Variants in RMC1 observed in about 807,000 individuals in gnomAD.
RMC1 encodes regulator of MON1-CCZ1, also known as regulator of MON1-CCZ1 complex.
Under a neutral mutation model 95.5 loss-of-function variants are expected in RMC1, and 44 were observed. The observed-to-expected ratio is 0.46, with a 90% confidence interval of 0.36 to 0.59. RMC1 has a LOEUF of 0.59. Ranked by LOEUF, RMC1 falls within the 20% of genes least tolerant of loss-of-function variation. RMC1 has a pLI of 0.00. For missense variants in RMC1, 705 were observed against 819.6 expected, an observed-to-expected ratio of 0.86 and a Z score of 1.71; for synonymous variants, 320 against 303.6, an observed-to-expected ratio of 1.05 and a Z score of -0.56.
chr18:23,531,343 G>A (rs936933550), intron 19 of RMC1: 10 of 376,394 alleles, frequency 2.7e-5, no homozygotes, highest in Admixed American at 4.5e-5. Flanking sequence ...ATCATCTTTA[G>A]GATAGGGAAG....
At chr18:23,520,899 G>T (rs929323605) in intron 10 of RMC1, among the ~76,000 whole-genome samples, 4 of 152,178 alleles carry the variant, frequency 2.6e-5, no homozygotes, top group Non-Finnish European at 1.5e-5. Flanking sequence ...TGTATTTTTA[G>T]TAGAGATGGG....
intron 10 of RMC1, among the ~76,000 whole-genome samples, chr18:23,521,129 A>AC (rs2058131748): frequency 6.6e-6 from 1 of 152,238 alleles, no homozygotes; most frequent in African/African-American, 2.4e-5. Context: ...TGCTAGGATT[A>AC]CAAGTGTGAG....
Position 23,529,145 on chromosome 18 carries a change from C to A in RMC1, c.1297-34C>A, listed in dbSNP as rs768559022. ...TAAACAGCACCCTTCCTCTAAGATG[C>A]CGAAGATCATAGTTTGTGGTTTTTT... On this transcript the variant is annotated intron_variant, in intron 14 of 19. Coordinates refer to ENST00000269221, the MANE Select transcript of RMC1 (RefSeq NM_013326.5). 2.5e-6 allele frequency: 4 copies of A among 1,599,114 alleles called. No individual in the cohort carries two copies. In the African/African-American group the frequency reaches 5.4e-5, roughly 22 times the overall value.
At chr18:23,507,195 A>C in intron 3 of RMC1, 141 bp downstream of exon 3, 2 of 503,668 alleles carry the variant, frequency 4.0e-6, no homozygotes, top group Middle Eastern at 7.6e-4. Flanking sequence ...ATTGTATTAG[A>C]GCCTTCAAAA....
At chr18:23,529,834 A>C in intron 16 of RMC1, 122 bp downstream of exon 16, 2 of 1,118,026 alleles carry the variant, frequency 1.8e-6, no homozygotes, top group Non-Finnish European at 2.6e-6. Flanking sequence ...CAGAATGCTG[A>C]GTGACTCCTG....
At chr18:23,508,208 G>A (rs974123911) in intron 4 of RMC1, among the ~76,000 whole-genome samples, 167 bp downstream of exon 4, 1 of 152,162 alleles carries the variant, frequency 6.6e-6, no homozygotes, top group African/African-American at 2.4e-5. Flanking sequence ...TTGTGACACT[G>A]AACAGTTTTC....
chr18:23,520,132 G>A lies in RMC1; in HGVS notation c.850-70G>A. On this transcript the variant is annotated intron_variant, in intron 9 of 19. Coordinates refer to ENST00000269221, the MANE Select transcript of RMC1 (RefSeq NM_013326.5). The stretch of plus-strand genomic sequence containing the variant: ...TTTAAACTGATTTAAACAGCAAGAT[G>A]GGATGGAATGAAAGCAACTGGGCAA... 4 of 1,139,990 alleles carry A rather than the reference G, an allele frequency of 3.5e-6. No individual in the cohort carries two copies. In the South Asian group the frequency reaches 5.0e-5, roughly 14 times the overall value. 70.6% of individuals were successfully genotyped at this position (1,139,990 alleles called of 1,614,324 possible). A position where few individuals can be genotyped will look rare whatever the true frequency, so the allele number is the denominator to read the frequency against.
Position 23,503,515 on chromosome 18 carries a change from C to T in RMC1, c.-104C>T, listed in dbSNP as rs1365619032. 8.5e-6 allele frequency: 6 copies of T among 704,316 alleles called. No homozygotes were observed. The highest frequency in any genetic ancestry group is 9.7e-4 in the Middle Eastern group (2 of 2,072). 43.6% of individuals were successfully genotyped at this position (704,316 alleles called of 1,614,324 possible). A position where few individuals can be genotyped will look rare whatever the true frequency, so the allele number is the denominator to read the frequency against. On this transcript the variant is annotated 5_prime_UTR_variant, in exon 1 of 20. Coordinates refer to ENST00000269221, the MANE Select transcript of RMC1 (RefSeq NM_013326.5). The stretch of plus-strand genomic sequence containing the variant: ...AGCGGCGTCCGCGCCGGGCCCAGAG[C>T]CGCAGCCGCAGCCGCCGCTACAGTC...
Position 23,524,175 on chromosome 18 carries a change from G to C in RMC1, c.1006+1G>C. ...CAGTCTCCTGTTCCATGTAAACTCT[G>C]TATCCTTTACTAAGGTGTGGCACCG... On this transcript the variant is annotated splice_donor_variant, in intron 11 of 19. Transcript: ENST00000269221. LOFTEE classifies it high-confidence loss of function. The C allele has an allele frequency of 6.2e-7, 1 of 1,613,566 alleles. No homozygotes were observed. The highest frequency in any genetic ancestry group is 1.3e-5 in the African/African-American group (1 of 75,036).
In RMC1 at chr18:23,526,619, C is replaced by T. The variant is rs1363504419; in HGVS notation, c.1061-18C>T. The T allele has an allele frequency of 6.2e-7, 1 of 1,612,394 alleles. No homozygotes were observed. Among genetic ancestry groups the T allele is most frequent in the East Asian group, 2.2e-5 (1 of 44,856 alleles). On this transcript the variant is annotated intron_variant, in intron 12 of 19. Transcript: ENST00000269221. Reference sequence around the variant, plus strand: ...GGTTTGCATCATACTGTTTTATTTGCTGCCTCTTAAAATCCAGGTTACCTC... The same window carrying T: ...GGTTTGCATCATACTGTTTTATTTGTTGCCTCTTAAAATCCAGGTTACCTC...
At chr18:23,523,819 T>A (rs73390299) in intron 10 of RMC1, among the ~76,000 whole-genome samples, 3,792 of 152,268 alleles carry the variant, frequency 0.025, 156 homozygotes, top group African/African-American at 0.085. Context: ...CAAGTAAATT[T>A]CTCAGTTCCT....
intron 14 of RMC1, chr18:23,528,167 G>A: frequency 2.9e-6 from 1 of 339,988 alleles, no homozygotes; most frequent in Non-Finnish European, 5.4e-6. Context: ...CTTGCCTGTA[G>A]ATCCTTGGTC....
At chr18:23,514,079 C>G (rs2057934829) in intron 5 of RMC1, among the ~76,000 whole-genome samples, 1 of 152,116 alleles carries the variant, frequency 6.6e-6, no homozygotes, top group African/African-American at 2.4e-5. Context: ...CTAAGGGGAA[C>G]TAATTTAGAG....
chr18:23,525,806 C>A (rs1288030852), intron 12 of RMC1, among the ~76,000 whole-genome samples: 2 of 152,140 alleles, frequency 1.3e-5, no homozygotes, highest in Non-Finnish European at 2.9e-5. Context: ...ATTAGAGAAT[C>A]TCCTATGTTA....
At chr18:23,527,024 C>G (rs2058317031) in intron 13 of RMC1, among the ~76,000 whole-genome samples, 1 of 152,038 alleles carries the variant, frequency 6.6e-6, no homozygotes, top group Admixed American at 6.6e-5. Context: ...GGGCCACCAC[C>G]CCTGGCCTTC....
intron 19 of RMC1, among the ~76,000 whole-genome samples, chr18:23,530,822 G>A (rs2058473837): frequency 6.6e-6 from 1 of 152,204 alleles, no homozygotes; most frequent in African/African-American, 2.4e-5. Context: ...CACCGAGGAG[G>A]TGTGTTTTGA....
intron 2 of RMC1, 92 bp from the exon 3 acceptor site, chr18:23,506,877 TC>T: frequency 1.1e-6 from 1 of 870,006 alleles, no homozygotes; most frequent in Non-Finnish European, 1.8e-6. Context: ...ATTTGCTGCC[TC>T]CTGAATATAG....
intron 5 of RMC1, among the ~76,000 whole-genome samples, chr18:23,512,438 A>G (rs2145165030): frequency 6.6e-6 from 1 of 151,988 alleles, no homozygotes; most frequent in Non-Finnish European, 1.5e-5. Flanking sequence ...TGTAATAATT[A>G]TTTTGAGACA....
chr18:23,510,096 G>A (rs977163509), intron 5 of RMC1, among the ~76,000 whole-genome samples: 4 of 151,604 alleles, frequency 2.6e-5, no homozygotes, highest in Non-Finnish European at 4.4e-5. Context: ...GCCAAGGTGG[G>A]TGGATGGCTT....
Sources: gnomAD v4.1 joint callset for allele counts (sites outside exome capture counted in the v4.1 genomes callset) on GRCh38, gnomAD v4.1.1 for gene constraint, MANE v1.5 for transcripts, NCBI Gene and HGNC (gene_info 2026-07-23, HGNC 2026-07-21) for gene names.